Variants in CCDC63 observed in about 807,000 individuals in gnomAD.
CCDC63 encodes the protein coiled-coil domain-containing protein 63.
In CCDC63, 54 loss-of-function variants were observed where a neutral mutation model predicts 63.6. The ratio of observed to expected loss-of-function variants is 0.85; its 90% CI spans 0.68 to 1.07. The LOEUF is 1.07. Among genes scored for constraint, CCDC63 ranks in the 50% least tolerant of loss-of-function variants. CCDC63 has a pLI of 0.00. For synonymous variants in CCDC63, 253 were observed against 266.1 expected, an observed-to-expected ratio of 0.95 and a Z score of 0.48; for missense variants, 637 against 689.6, an observed-to-expected ratio of 0.92 and a Z score of 0.86.
chr12:110,868,480 G>A (rs1199196714), intron 4 of CCDC63, among the ~76,000 whole-genome samples: 5 of 150,096 alleles, frequency 3.3e-5, no homozygotes, highest in Admixed American at 1.3e-4. Context: ...CTGCAATCCC[G>A]GCACCTCGGG....
chr12:110,867,568 G>A (rs1460019585), intron 4 of CCDC63, among the ~76,000 whole-genome samples: 17 of 140,156 alleles, frequency 1.2e-4, no homozygotes, highest in Admixed American at 5.5e-4. Context: ...GGCTGGCCGG[G>A]CGGGGGGCTG....
chr12:110,886,150 G>A (rs184631305), intron 8 of CCDC63, among the ~76,000 whole-genome samples: 63 of 152,262 alleles, frequency 4.1e-4, no homozygotes, highest in Admixed American at 1.3e-3. Context: ...ACTTTGGGAG[G>A]CCGAGGCGGG....
At chr12:110,863,733 G>A (rs574756649) in intron 4 of CCDC63, among the ~76,000 whole-genome samples, 1 of 152,138 alleles carries the variant, frequency 6.6e-6, no homozygotes, top group African/African-American at 2.4e-5. Context: ...TAGAGATGGG[G>A]TTTCACCATG....
intron 4 of CCDC63, among the ~76,000 whole-genome samples, chr12:110,868,414 C>T (rs1303623377): frequency 6.6e-6 from 1 of 150,430 alleles, no homozygotes; most frequent in Non-Finnish European, 1.5e-5. Flanking sequence ...GAGCCGAGAT[C>T]ACGCCACTGC....
At chr12:110,872,121 A>G (rs1231468516) in intron 4 of CCDC63, among the ~76,000 whole-genome samples, 1 of 152,196 alleles carries the variant, frequency 6.6e-6, no homozygotes. Context: ...ACTTACCTAG[A>G]ACAGGGCCAG....
intron 9 of CCDC63, among the ~76,000 whole-genome samples, chr12:110,895,085 A>C (rs1036376220): frequency 1.4e-5 from 2 of 146,958 alleles, no homozygotes; most frequent in African/African-American, 5.1e-5. Flanking sequence ...AGATAACTTT[A>C]ATTTTTAATT....
At chr12:110,891,802 C>T (rs2071360577) in intron 8 of CCDC63, among the ~76,000 whole-genome samples, 1 of 152,102 alleles carries the variant, frequency 6.6e-6, no homozygotes, top group Non-Finnish European at 1.5e-5. Flanking sequence ...ATTAACTGAC[C>T]CCCTATCAGT....
chr12:110,900,157 C>T (rs1281988725), intron 10 of CCDC63, among the ~76,000 whole-genome samples: 1 of 152,006 alleles, frequency 6.6e-6, no homozygotes, highest in Non-Finnish European at 1.5e-5. Flanking sequence ...AGGTTGTAGT[C>T]AGTCAAAATT....
intron 11 of CCDC63, among the ~76,000 whole-genome samples, chr12:110,906,686 A>C (rs1396078763): frequency 1.3e-5 from 2 of 151,974 alleles, no homozygotes; most frequent in East Asian, 3.9e-4. Context: ...ACACACAGAG[A>C]TCCTGTGTGT....
At chr12:110,869,924 C>T (rs2071041738) in intron 4 of CCDC63, among the ~76,000 whole-genome samples, 1 of 152,140 alleles carries the variant, frequency 6.6e-6, no homozygotes, top group Non-Finnish European at 1.5e-5. Context: ...TTTATTTTGG[C>T]ATACTTTAAA....
intron 4 of CCDC63, among the ~76,000 whole-genome samples, chr12:110,863,062 T>A (rs1025525008): frequency 6.6e-6 from 1 of 152,150 alleles, no homozygotes; most frequent in African/African-American, 2.4e-5. Flanking sequence ...AGCTGTTTGT[T>A]TTATTTCATT....
At position 110,893,090 on chromosome 12, in the gene CCDC63, C is replaced by T. The variant is rs758629370; in HGVS notation, c.1089C>T (p.Leu363=). ...CTCCCGAGCAGGACGAGATCATCCT[C>T]TTGCGATCCCAGCAGAAATTGTCCC... ...RTQRIQDEII[L]LRSQQKLSHD... Residue 363 remains leucine (L), a synonymous_variant, in exon 9 of 12, where the codon CTC becomes CTT. Transcript: ENST00000308208. 6.2e-7 allele frequency: 1 copy of T among 1,614,134 alleles called. No homozygotes were observed. Among genetic ancestry groups the T allele is most frequent in the Admixed American group, 1.7e-5 (1 of 60,014 alleles).
intron 5 of CCDC63, among the ~76,000 whole-genome samples, chr12:110,875,151 A>T (rs1298525739): frequency 1.3e-5 from 2 of 152,174 alleles, no homozygotes; most frequent in African/African-American, 4.8e-5. Flanking sequence ...AGGACTGGGC[A>T]GTGTCTTTTT....
chr12:110,878,000 C>T (rs1323707055), intron 5 of CCDC63, among the ~76,000 whole-genome samples: 1 of 152,102 alleles, frequency 6.6e-6, no homozygotes, highest in Non-Finnish European at 1.5e-5. Flanking sequence ...AGCCACTGCG[C>T]CCAGCCTTGA....
Position 110,880,030 on chromosome 12 carries a change from T to C in CCDC63, c.614T>C (p.Met205Thr). ...CAGCAGCTCCAGCACTGCCTGTTGA[T>C]GGAGAAGAAAACCATGAACTTGGCC... is the stretch of plus-strand genomic sequence containing the variant. ...VYQQLQHCLL[M>T]EKKTMNLAIE... Residue 205 changes from methionine to threonine, a missense_variant, in exon 6 of 12, where the codon ATG becomes ACG. Met to Thr is a moderately conservative substitution (Grantham distance 81). Coordinates refer to ENST00000308208, the MANE Select transcript of CCDC63 (RefSeq NM_152591.3). The C allele has an allele frequency of 6.2e-7, 1 of 1,614,162 alleles. No individual in the cohort carries two copies. The highest frequency in any genetic ancestry group is 8.5e-7 in the Non-Finnish European group (1 of 1,180,008).
chr12:110,869,315 G>T (rs2071032403), intron 4 of CCDC63, among the ~76,000 whole-genome samples: 1 of 152,172 alleles, frequency 6.6e-6, no homozygotes. Flanking sequence ...AAACCAAGTT[G>T]CTTTGAATGT....
chr12:110,907,339 C>T lies in CCDC63; in HGVS notation c.1555C>T (p.Pro519Ser). 1 of 1,613,598 alleles carries T rather than the reference C, an allele frequency of 6.2e-7. No individual in the cohort carries two copies. Among genetic ancestry groups the T allele is most frequent in the African/African-American group, 1.3e-5 (1 of 75,034 alleles). ...ATCTGATCTTGGTGCAGTGGAACAG[C>T]CCCTGGACCACAGCAGCCTTCGGCA... is the stretch of plus-strand genomic sequence containing the variant. ...FSDRLDDVEQ[P>S]LDHSSLRQLV... Residue 519 changes from proline to serine, a missense_variant, in exon 12 of 12, where the codon CCC (proline) becomes TCC (serine). Pro to Ser is a moderately conservative substitution (Grantham distance 74). Coordinates refer to ENST00000308208, the MANE Select transcript of CCDC63 (RefSeq NM_152591.3). This position sits in a 1 kb window ranked among gnomAD's most constrained non-coding sequence, Gnocchi z 4.4.
At chr12:110,866,941 C>T (rs1325804143) in intron 4 of CCDC63, among the ~76,000 whole-genome samples, 269 of 135,146 alleles carry the variant, frequency 2.0e-3, no homozygotes, top group African/African-American at 7.1e-3. Flanking sequence ...GCTGGCCGGG[C>T]GGGGGGCTGA....
chr12:110,864,639 C>A (rs2070914354), intron 4 of CCDC63, among the ~76,000 whole-genome samples: 1 of 150,346 alleles, frequency 6.7e-6, no homozygotes, highest in African/African-American at 2.5e-5. Context: ...CCTGGGAGGG[C>A]AGGGGTTGCA....
Sources: gnomAD v4.1 joint callset for allele counts (sites outside exome capture counted in the v4.1 genomes callset) on GRCh38, gnomAD v4.1.1 for gene constraint, Gnocchi (gnomAD v3.1) non-coding constraint, MANE v1.5 for transcripts, NCBI Gene and HGNC (gene_info 2026-07-23, HGNC 2026-07-21) for gene names.